Variants in CHN1 observed in about 807,000 individuals in gnomAD.
The protein encoded by CHN1 is N-chimaerin.
CHN1 carries 37 observed loss-of-function variants against 59.5 expected under a neutral mutation model. The observed-to-expected ratio is 0.62, with a 90% CI of 0.48 to 0.82. The LOEUF (loss-of-function observed/expected upper bound fraction) is 0.82. CHN1 is among the 40% of genes least tolerant of loss of function. The pLI is 0.00. For synonymous variants in CHN1, 206 were observed against 200.4 expected, an observed-to-expected ratio of 1.03 and a Z score of -0.24; for missense variants, 469 against 571.0, an observed-to-expected ratio of 0.82 and a Z score of 1.82.
chr2:174,941,340 T>C (rs538134233), intron 3 of CHN1, among the ~76,000 whole-genome samples: 2 of 152,220 alleles, frequency 1.3e-5, no homozygotes, highest in Non-Finnish European at 2.9e-5. Context: ...ATATTCATTC[T>C]TACTGGGGCT....
chr2:175,004,902 G>A lies in CHN1; in HGVS notation c.11C>T (p.Thr4Ile). The change falls in exon 1 of 13, where the codon ACC (threonine) becomes ATC (isoleucine). Residue 4 changes from threonine to isoleucine, a missense_variant. Thr to Ile is a moderately conservative substitution (Grantham distance 89). Transcript: ENST00000409900. The part of the protein sequence containing the change: MAL[T>I]LFDTDEYRPP... ...GAGACGGCTGCACTTACCAAACAGG[G>A]TCAGGGCCATTGTAAAGGCGCTCGC... is the stretch of plus-strand genomic sequence containing the variant. 3 of 1,534,646 alleles carry A rather than the reference G, an allele frequency of 2.0e-6. No individual in the cohort carries two copies. Among genetic ancestry groups the A allele is most frequent in the South Asian group, 2.4e-5 (2 of 82,622 alleles).
intron 5 of CHN1, among the ~76,000 whole-genome samples, chr2:174,889,820 G>C (rs1227642784): frequency 6.6e-6 from 1 of 151,922 alleles, no homozygotes; most frequent in Non-Finnish European, 1.5e-5. Flanking sequence ...CCAAGTTTGA[G>C]GAAATGAAAT....
At chr2:174,905,768 C>T (rs1688526114) in intron 5 of CHN1, among the ~76,000 whole-genome samples, 1 of 152,026 alleles carries the variant, frequency 6.6e-6, no homozygotes, top group Non-Finnish European at 1.5e-5. Flanking sequence ...CCGTGTTAGC[C>T]AGGATGGTCT....
At chr2:174,801,919 T>C (rs1375820772) in intron 11 of CHN1, 107 bp from the exon 12 acceptor site, 3 of 861,210 alleles carry the variant, frequency 3.5e-6, no homozygotes, top group Middle Eastern at 2.9e-4. Context: ...TGGTAAGAAA[T>C]GCTTTCTCGT....
intron 4 of CHN1, 157 bp from the exon 5 acceptor site, chr2:174,915,328 T>A (rs1347581177): frequency 1.6e-6 from 1 of 635,170 alleles, no homozygotes; most frequent in African/African-American, 1.8e-5. Flanking sequence ...TATGCTTGTG[T>A]TTCTCTGGAC....
At chr2:174,872,858 C>T (rs1036697527) in intron 6 of CHN1, among the ~76,000 whole-genome samples, 1 of 152,148 alleles carries the variant, frequency 6.6e-6, no homozygotes, top group Non-Finnish European at 1.5e-5. Context: ...AATAATTCTT[C>T]ATGCAATGCT....
chr2:174,883,823 A>C (rs1687811064), intron 5 of CHN1, among the ~76,000 whole-genome samples: 1 of 152,084 alleles, frequency 6.6e-6, no homozygotes, highest in African/African-American at 2.4e-5. Context: ...AATATATAGA[A>C]AAATAAGTAG....
intron 1 of CHN1, among the ~76,000 whole-genome samples, chr2:174,985,035 T>C (rs1691294494): frequency 6.6e-6 from 1 of 152,244 alleles, no homozygotes; most frequent in Admixed American, 6.5e-5. Flanking sequence ...CCTTGGGCTT[T>C]TCTTATTCTA....
chr2:174,860,242 C>T (rs1456240628), intron 6 of CHN1, among the ~76,000 whole-genome samples: 1 of 152,088 alleles, frequency 6.6e-6, no homozygotes, highest in African/African-American at 2.4e-5. Flanking sequence ...CCATTAAAAT[C>T]CACCAAATAG....
intron 6 of CHN1, among the ~76,000 whole-genome samples, chr2:174,856,609 A>G (rs1376678795): frequency 6.6e-6 from 1 of 152,146 alleles, no homozygotes; most frequent in Non-Finnish European, 1.5e-5. Context: ...GCTTTTTCAC[A>G]CTACGTGAAG....
chr2:174,872,553 T>A (rs960402753), intron 6 of CHN1, among the ~76,000 whole-genome samples: 3 of 152,114 alleles, frequency 2.0e-5, no homozygotes, highest in South Asian at 2.1e-4. Flanking sequence ...GAAAATAATA[T>A]ATTTTGGCCT....
At chr2:174,981,142 A>C (rs1319243335) in intron 1 of CHN1, among the ~76,000 whole-genome samples, 1 of 152,192 alleles carries the variant, frequency 6.6e-6, no homozygotes, top group Non-Finnish European at 1.5e-5. Flanking sequence ...TGAGAAAGCT[A>C]ACCTGGATCT....
chr2:174,882,263 G>C (rs1445753564), intron 5 of CHN1, among the ~76,000 whole-genome samples: 1 of 152,178 alleles, frequency 6.6e-6, no homozygotes, highest in Non-Finnish European at 1.5e-5. Context: ...CCACTTTCTA[G>C]AAAGAATATC....
chr2:174,899,217 G>C (rs373409039), intron 5 of CHN1, among the ~76,000 whole-genome samples: 17 of 152,256 alleles, frequency 1.1e-4, no homozygotes, highest in African/African-American at 4.1e-4. Flanking sequence ...GCACTCAGGA[G>C]AAGACAGACA....
intron 7 of CHN1, among the ~76,000 whole-genome samples, chr2:174,832,409 G>A (rs569775342): frequency 4.0e-5 from 6 of 151,862 alleles, no homozygotes; most frequent in African/African-American, 1.2e-4. Flanking sequence ...TTTGACTTAA[G>A]ACCTTTTTTC....
chr2:174,801,350 C>T (rs1684714713), intron 12 of CHN1, among the ~76,000 whole-genome samples: 1 of 152,110 alleles, frequency 6.6e-6, no homozygotes, highest in Non-Finnish European at 1.5e-5. Flanking sequence ...TTGCAAGTTG[C>T]AAGTTGCAAG....
Position 174,812,696 on chromosome 2 carries a change from G to A in CHN1, c.713-214C>T, listed in dbSNP as rs187250180. Among the ~76,000 whole-genome samples, 10 of 151,942 alleles carry A rather than the reference G, an allele frequency of 6.6e-5. No individual in the cohort carries two copies. The East Asian group carries it at 1.4e-3, about 21-fold the overall frequency. ...CCAGGAGACCAGAATTCTAGCTCAC[G>A]CTTCATCGTTTAATTGCTGTATGAT... On this transcript the variant is annotated intron_variant, in intron 8 of 12. Transcript: ENST00000409900.
intron 11 of CHN1, among the ~76,000 whole-genome samples, chr2:174,803,723 T>C (rs1191825875): frequency 6.6e-6 from 1 of 151,838 alleles, no homozygotes; most frequent in Non-Finnish European, 1.5e-5. Context: ...TCCAGCTAAA[T>C]GTTAATTTTT....
chr2:174,977,093 T>C (rs78790133), intron 1 of CHN1, among the ~76,000 whole-genome samples: 14 of 152,132 alleles, frequency 9.2e-5, no homozygotes, highest in Non-Finnish European at 1.5e-4. Flanking sequence ...GACAACTAGG[T>C]TGGCAAACTT....
Sources: allele counts gnomAD v4.1 joint callset (sites outside exome capture counted in the v4.1 genomes callset), GRCh38; gene constraint gnomAD v4.1.1; transcripts MANE v1.5; gene names NCBI Gene and HGNC (gene_info 2026-07-23, HGNC 2026-07-21).